Variants in ZGRF1 observed in about 807,000 individuals in gnomAD.
ZGRF1 encodes zinc finger GRF-type containing 1.
Under a neutral mutation model 203.5 loss-of-function variants are expected in ZGRF1, and 196 were observed. That is an observed-to-expected ratio of 0.96 (90% CI 0.86 to 1.08). The LOEUF (loss-of-function observed/expected upper bound fraction) is 1.08, where lower values mean the gene tolerates loss of function less well. Among genes scored for constraint, ZGRF1 ranks in the 50% least tolerant of loss-of-function variants. The pLI, the probability that ZGRF1 is intolerant of heterozygous loss-of-function variation, is 0.00. For synonymous variants in ZGRF1, 809 were observed against 841.3 expected (o/e 0.96, Z 0.66); for missense variants, 2,326 against 2,416.3 (o/e 0.96, Z 0.78).
At chr4:112,608,630 A>G (rs1751122056) in intron 8 of ZGRF1, among the ~76,000 whole-genome samples, 1 of 152,218 alleles carries the variant, frequency 6.6e-6, no homozygotes, top group African/African-American at 2.4e-5. Context: ...TAAAAAACAA[A>G]AAGAAAAAAT....
intron 22 of ZGRF1, 117 bp downstream of exon 22, chr4:112,553,718 T>C: frequency 4.6e-6 from 4 of 872,656 alleles, no homozygotes; most frequent in Admixed American, 3.1e-5. Flanking sequence ...CTTAGTAGAA[T>C]ATAAACTATC....
intron 6 of ZGRF1, 128 bp downstream of exon 6, chr4:112,617,312 C>T: frequency 3.3e-6 from 2 of 600,984 alleles, no homozygotes; most frequent in South Asian, 4.0e-5. Flanking sequence ...TTGGTTTTAC[C>T]AAGTACATGT....
At position 112,585,655 on chromosome 4, in the gene ZGRF1, T is replaced by C; in HGVS notation, c.3987A>G (p.Ser1329=). Residue 1329 remains serine (S), a synonymous_variant, in exon 14 of 28, where the codon TCA becomes TCG. Coordinates refer to ENST00000505019, the MANE Select transcript of ZGRF1 (RefSeq NM_018392.5). ...LQKALSKVDI[S]FYTSLKGEKL... ...TCTCTCCCTTCAATGATGTATAAAA[T>C]GATATGTCAACTTTTGAAAGAGCTT... 6.2e-7 allele frequency: 1 copy of C among 1,609,890 alleles called. No individual in the cohort carries two copies. The highest frequency in any genetic ancestry group is 8.5e-7 in the Non-Finnish European group (1 of 1,178,136).
intron 4 of ZGRF1, among the ~76,000 whole-genome samples, chr4:112,622,879 C>A (rs2047108523): frequency 2.0e-5 from 3 of 152,058 alleles, no homozygotes; most frequent in Non-Finnish European, 4.4e-5. Context: ...TATAGGTAAA[C>A]CCGTGTCATG....
intron 16 of ZGRF1, chr4:112,565,242 C>T: frequency 6.3e-7 from 1 of 1,593,820 alleles, no homozygotes; most frequent in Non-Finnish European, 8.6e-7. Flanking sequence ...ATCTGCACTT[C>T]CAGAGCGCAG....
At chr4:112,555,751 G>A (rs1740813427) in intron 20 of ZGRF1, among the ~76,000 whole-genome samples, 1 of 152,120 alleles carries the variant, frequency 6.6e-6, no homozygotes, top group African/African-American at 2.4e-5. Flanking sequence ...ACAATGAGAA[G>A]GTTATTTCAG....
At chr4:112,584,198 A>T (rs767329486) in intron 14 of ZGRF1, 24 bp from the exon 15 acceptor site, 8 of 1,477,740 alleles carry the variant, frequency 5.4e-6, no homozygotes, top group Non-Finnish European at 7.3e-6. Context: ...AAAAAGATCA[A>T]CATTTAGTGA....
At chr4:112,630,038 C>T in intron 3 of ZGRF1, 1 of 172,322 alleles carries the variant, frequency 5.8e-6, no homozygotes. Flanking sequence ...AAAAAAAAAG[C>T]ACTTAGTTTT....
At chr4:112,632,646 T>A (rs754985136) in intron 2 of ZGRF1, among the ~76,000 whole-genome samples, 31 of 152,216 alleles carry the variant, frequency 2.0e-4, no homozygotes, top group Non-Finnish European at 3.2e-4. Context: ...TAAATACTTT[T>A]TACATTTCTG....
chr4:112,587,994 A>G (rs1747519145), intron 11 of ZGRF1, 65 bp from the exon 12 acceptor site: 2 of 1,272,558 alleles, frequency 1.6e-6, no homozygotes, highest in South Asian at 3.7e-5. Context: ...GGCTCTAGAA[A>G]ACAGTGGGTA....
At chr4:112,576,217 CCTGA>C (rs1449637977) in intron 16 of ZGRF1, among the ~76,000 whole-genome samples, 1 of 152,206 alleles carries the variant, frequency 6.6e-6, no homozygotes, top group Non-Finnish European at 1.5e-5. Context: ...AGCTGAGGGT[CCTGA>C]CTGTTAGAGG....
At position 112,618,743 on chromosome 4, in the gene ZGRF1, A is replaced by C; in HGVS notation, c.1299T>G (p.Ile433Met). 5 of 1,610,406 alleles carry C rather than the reference A, an allele frequency of 3.1e-6. No individual in the cohort carries two copies. Among genetic ancestry groups the C allele is most frequent in the Non-Finnish European group, 4.2e-6 (5 of 1,178,602 alleles). ...ENDGILSESD[I>M]QEDNKIPFNQ... ...TAAAAGGTATTTTATTATCTTCTTG[A>C]ATGTCAGATTCTGATAATATACCAT... The change falls in exon 6 of 28, where the codon ATT becomes ATG. Residue 433 changes from isoleucine to methionine, a missense_variant. Physicochemically the swap from Ile to Met is conservative, Grantham distance 10. Transcript: ENST00000505019.
rs2046988858 is a variant in ZGRF1 at position 112,619,298 on chromosome 4, G to A, written c.744C>T (p.Asn248=). The A allele has an allele frequency of 3.7e-6, 6 of 1,613,244 alleles. No individual in the cohort carries two copies. The highest frequency in any genetic ancestry group is 2.7e-5 in the African/African-American group (2 of 74,910). The change falls in exon 6 of 28, where the codon AAC becomes AAT. Residue 248 remains asparagine (N), a synonymous_variant. Coordinates refer to ENST00000505019, the MANE Select transcript of ZGRF1 (RefSeq NM_018392.5). ...CTAATATCTGTGCTTTGCTTCTGAT[G>A]TTTTGTGAAACTCCTGAATAGTGAG... ...LASHYSGVSQ[N]IRSKAQILAL...
At chr4:112,623,455 T>C (rs576558657) in intron 4 of ZGRF1, among the ~76,000 whole-genome samples, 2 of 152,280 alleles carry the variant, frequency 1.3e-5, no homozygotes, top group African/African-American at 4.8e-5. Context: ...TCACAAAAAA[T>C]TTCCCACAGT....
intron 1 of ZGRF1, among the ~76,000 whole-genome samples, chr4:112,635,091 C>A (rs188361716): frequency 9.4e-5 from 14 of 149,118 alleles, no homozygotes; most frequent in African/African-American, 3.0e-4. Context: ...GATCACGCCA[C>A]TGCACTCCAG....
chr4:112,633,863 G>C (rs1322186215), intron 1 of ZGRF1, among the ~76,000 whole-genome samples: 1 of 152,136 alleles, frequency 6.6e-6, no homozygotes, highest in East Asian at 1.9e-4. Flanking sequence ...CCCTAAGGTG[G>C]TTCTCAAGAT....
intron 6 of ZGRF1, among the ~76,000 whole-genome samples, chr4:112,613,096 C>CT (rs1314207791): frequency 6.6e-6 from 1 of 152,246 alleles, no homozygotes; most frequent in East Asian, 1.9e-4. Context: ...GATTTCAAGA[C>CT]CAGCCTGGCC....
intron 7 of ZGRF1, among the ~76,000 whole-genome samples, chr4:112,609,754 C>T (rs149559486): frequency 6.0e-5 from 9 of 150,496 alleles, no homozygotes; most frequent in East Asian, 2.0e-4. Flanking sequence ...GCCAAGATTG[C>T]GCCACTGCAC....
chr4:112,539,934 A>C lies in ZGRF1; in HGVS notation c.6101T>G (p.Leu2034Trp), dbSNP rs1737217010. 2 of 1,613,936 alleles carry C rather than the reference A, an allele frequency of 1.2e-6. No individual in the cohort carries two copies. Among genetic ancestry groups the C allele is most frequent in the African/African-American group, 2.7e-5 (2 of 75,078 alleles). Residue 2034 changes from leucine to tryptophan, a missense_variant, in exon 27 of 28, where the codon TTG becomes TGG. Physicochemically the swap from Leu to Trp is moderately conservative, Grantham distance 61. Coordinates refer to ENST00000505019, the MANE Select transcript of ZGRF1 (RefSeq NM_018392.5). ...ACAGGCTAAATTTCCCACAATCAAC[A>C]AATGCCTCTTTCCTCTAGTCAATGC... is the stretch of plus-strand genomic sequence containing the variant. ...NVALTRGKRH[L>W]LIVGNLACLR...
Sources: allele counts gnomAD v4.1 joint callset (sites outside exome capture counted in the v4.1 genomes callset), GRCh38; gene constraint gnomAD v4.1.1; transcripts MANE v1.5; gene names NCBI Gene and HGNC (gene_info 2026-07-23, HGNC 2026-07-21).